Variants in RPS6KA2 observed in about 807,000 individuals in gnomAD.
RPS6KA2 encodes ribosomal protein S6 kinase A2.
A neutral mutation model predicts 91.8 loss-of-function variants in RPS6KA2; 42 were observed. The observed-to-expected ratio is 0.46, with a 90% confidence interval of 0.36 to 0.59. The LOEUF is 0.59. Among genes scored for constraint, RPS6KA2 ranks in the 20% least tolerant of loss-of-function variants. The pLI, the probability that RPS6KA2 is intolerant of heterozygous loss-of-function variation, is 0.00. For synonymous variants in RPS6KA2, 414 were observed against 393.6 expected (o/e 1.05, Z -0.61); for missense variants, 798 against 978.5 (o/e 0.82, Z 2.46).
intron 2 of RPS6KA2, among the ~76,000 whole-genome samples, chr6:166,706,630 G>A (rs1388124354): frequency 6.6e-6 from 1 of 152,108 alleles, no homozygotes; most frequent in Non-Finnish European, 1.5e-5. Flanking sequence ...GGAGACCCCA[G>A]ACCCCCAGCC....
intron 2 of RPS6KA2, among the ~76,000 whole-genome samples, chr6:166,696,009 G>A (rs1157692201): frequency 6.6e-6 from 1 of 152,182 alleles, no homozygotes; most frequent in Non-Finnish European, 1.5e-5. Context: ...GATCTGAGGT[G>A]GAACAGCTTC....
chr6:166,431,893 G>T (rs773293883), intron 15 of RPS6KA2, among the ~76,000 whole-genome samples: 1 of 152,204 alleles, frequency 6.6e-6, no homozygotes, highest in Non-Finnish European at 1.5e-5. Flanking sequence ...CTCCCAAAGT[G>T]CTGGGATTAC....
At position 166,652,679 on chromosome 6, in the gene RPS6KA2, G is replaced by T. The variant is rs1313833365; in HGVS notation, c.124-113895C>A. Among the ~76,000 whole-genome samples, 4 of 152,058 alleles carry T rather than the reference G, an allele frequency of 2.6e-5. No homozygotes were observed. In the East Asian group the frequency reaches 7.7e-4, roughly 29 times the overall value. On this transcript the variant is annotated intron_variant, in intron 2 of 21. Transcript: ENST00000503859. The stretch of plus-strand genomic sequence containing the variant: ...AAAATCCCACCCGGTGACCTGCTTG[G>T]GTTCCCCCAGCTAGGCGAGAGTTGA...
intron 1 of RPS6KA2, among the ~76,000 whole-genome samples, chr6:166,610,935 A>G (rs555503303): frequency 3.3e-5 from 5 of 152,198 alleles, no homozygotes; most frequent in Non-Finnish European, 7.4e-5. Context: ...CTATCTGCAT[A>G]TTCTGGATTT....
intron 2 of RPS6KA2, among the ~76,000 whole-genome samples, chr6:166,798,422 A>G (rs1434929421): frequency 1.3e-5 from 2 of 152,230 alleles, no homozygotes; most frequent in African/African-American, 4.8e-5. Context: ...TGATATTAAT[A>G]TTTAGCACCC....
chr6:166,517,466 T>G (rs1461627417), intron 3 of RPS6KA2, among the ~76,000 whole-genome samples: 19 of 56,110 alleles, frequency 3.4e-4, no homozygotes, highest in African/African-American at 3.9e-4. Context: ...TTTTTTTTTT[T>G]TTTTTTTTTT....
At chr6:166,641,669 G>A (rs1415848291) in intron 2 of RPS6KA2, among the ~76,000 whole-genome samples, 3 of 125,332 alleles carry the variant, frequency 2.4e-5, no homozygotes, top group Admixed American at 9.8e-5. Flanking sequence ...GCAGTGAGCC[G>A]AGATCACACC....
intron 2 of RPS6KA2, among the ~76,000 whole-genome samples, chr6:166,534,642 A>C (rs1783423141): frequency 6.6e-6 from 1 of 152,266 alleles, no homozygotes; most frequent in South Asian, 2.1e-4. Context: ...AGGTCTTGAC[A>C]CATGAAACTT....
chr6:166,682,520 G>A (rs545056972), intron 2 of RPS6KA2, among the ~76,000 whole-genome samples: 28 of 152,308 alleles, frequency 1.8e-4, no homozygotes, highest in Non-Finnish European at 3.1e-4. Flanking sequence ...AGCAAGCTCC[G>A]AGGGCAGGGC....
At chr6:166,587,407 G>A (rs76712074) in intron 1 of RPS6KA2, among the ~76,000 whole-genome samples, 4 of 152,158 alleles carry the variant, frequency 2.6e-5, no homozygotes, top group Non-Finnish European at 4.4e-5. Context: ...CATCAGACAA[G>A]CTCCTCACCC....
chr6:166,559,846 C>G (rs1332953416), intron 1 of RPS6KA2, among the ~76,000 whole-genome samples: 1 of 152,104 alleles, frequency 6.6e-6, no homozygotes, highest in Non-Finnish European at 1.5e-5. Context: ...CAAGTTATCC[C>G]CAGACAAATA....
intron 3 of RPS6KA2, among the ~76,000 whole-genome samples, chr6:166,517,283 C>T (rs540369126): frequency 1.9e-4 from 29 of 152,028 alleles, no homozygotes; most frequent in African/African-American, 5.6e-4. Context: ...TCACTTGAGC[C>T]GAAGAGTTGG....
At chr6:166,477,653 C>T (rs970347636) in intron 10 of RPS6KA2, among the ~76,000 whole-genome samples, 2 of 152,196 alleles carry the variant, frequency 1.3e-5, no homozygotes, top group African/African-American at 4.8e-5. Context: ...GTGGCTCACG[C>T]CTGTAATCTC....
chr6:166,587,666 T>TTATA (rs1554232139), intron 1 of RPS6KA2, among the ~76,000 whole-genome samples: 2 of 149,004 alleles, frequency 1.3e-5, no homozygotes, highest in African/African-American at 2.5e-5. Context: ...AAAATAAATA[T>TTATA]TATATATATA....
intron 11 of RPS6KA2, among the ~76,000 whole-genome samples, chr6:166,466,871 T>TTCAC (rs1256599279): frequency 2.0e-5 from 3 of 146,618 alleles, no homozygotes; most frequent in African/African-American, 7.7e-5. Context: ...CCCTTACTCA[T>TTCAC]TCACTCACTC....
At chr6:166,643,061 G>A (rs1469196293) in intron 2 of RPS6KA2, among the ~76,000 whole-genome samples, 3 of 152,178 alleles carry the variant, frequency 2.0e-5, no homozygotes, top group Non-Finnish European at 4.4e-5. Flanking sequence ...GGGGGCAAAG[G>A]AGTCCTATGC....
chr6:166,526,126 G>A (rs1025413069), intron 3 of RPS6KA2, among the ~76,000 whole-genome samples: 14 of 152,038 alleles, frequency 9.2e-5, no homozygotes, highest in Admixed American at 9.2e-4. Flanking sequence ...AACCTACTTC[G>A]AAGTATGCAA....
intron 2 of RPS6KA2, among the ~76,000 whole-genome samples, chr6:166,698,067 C>T (rs1053416162): frequency 2.1e-4 from 32 of 152,072 alleles, no homozygotes; most frequent in African/African-American, 7.7e-4. Context: ...GACTGGGGTC[C>T]GGCTGGGATT....
chr6:166,699,341 T>C (rs1432560667), intron 2 of RPS6KA2, among the ~76,000 whole-genome samples: 1 of 152,114 alleles, frequency 6.6e-6, no homozygotes, highest in Non-Finnish European at 1.5e-5. Flanking sequence ...AAGAAGAATC[T>C]TGAGAGAAGA....
Sources: allele counts gnomAD v4.1 joint callset (sites outside exome capture counted in the v4.1 genomes callset), GRCh38; gene constraint gnomAD v4.1.1; transcripts MANE v1.5; gene names NCBI Gene and HGNC (gene_info 2026-07-23, HGNC 2026-07-21).